EIF2B5: variants seen among roughly 807,000 people sequenced by gnomAD.
The protein encoded by EIF2B5 is eukaryotic translation initiation factor 2B subunit epsilon, also known as translation initiation factor eIF2B subunit epsilon.
Under a neutral mutation model 87.3 loss-of-function variants are expected in EIF2B5, and 38 were observed. The observed-to-expected ratio is 0.44, with a 90% CI of 0.34 to 0.57. The LOEUF (loss-of-function observed/expected upper bound fraction) is 0.57, where lower values mean the gene tolerates loss of function less well. Among genes scored for constraint, EIF2B5 ranks in the 20% least tolerant of loss-of-function variants. EIF2B5 has a pLI of 0.02. For missense variants in EIF2B5, 784 were observed against 909.5 expected (o/e 0.86, Z 1.78); for synonymous variants, 313 against 339.6 (o/e 0.92, Z 0.86).
At position 184,144,137 on chromosome 3, in the gene EIF2B5, A is replaced by C; in HGVS notation, c.1908A>C (p.Ile636=). 6.2e-7 allele frequency: 1 copy of C among 1,614,228 alleles called. No individual in the cohort carries two copies. The highest frequency in any genetic ancestry group is 8.5e-7 in the Non-Finnish European group (1 of 1,180,048). The change falls in exon 14 of 16, where the codon ATA becomes ATC. Residue 636 remains isoleucine, a synonymous_variant. Transcript: ENST00000648915. The part of the protein sequence containing the change: ...KAWSPVFRNY[I]KRAADHLEAL... ...GGAGCCCTGTTTTTAGGAACTACAT[A>C]AAGCGCGCAGCCGACCATTTGGAAG...
chr3:184,139,216 CCG>C (rs1005306496), intron 5 of EIF2B5, among the ~76,000 whole-genome samples: 2 of 151,886 alleles, frequency 1.3e-5, no homozygotes, highest in African/African-American at 4.8e-5. Flanking sequence ...GGTGATCCTC[CCG>C]CCTTGGCCTC....
In EIF2B5 at chr3:184,144,133, A is replaced by C; in HGVS notation, c.1904A>C (p.Tyr635Ser). ...LKAWSPVFRN[Y>S]IKRAADHLEA... ...GCCTGGAGCCCTGTTTTTAGGAACT[A>C]CATAAAGCGCGCAGCCGACCATTTG... is the stretch of plus-strand genomic sequence containing the variant. Residue 635 changes from tyrosine to serine, a missense_variant, in exon 14 of 16, where the codon TAC becomes TCC. Around this residue, in one of 3 missense-constraint regions of EIF2B5, gnomAD observed 660 missense variants for 789.5 expected, o/e 0.84. Coordinates refer to ENST00000648915, the MANE Select transcript of EIF2B5 (RefSeq NM_003907.3). 1 of 1,614,222 alleles carries C rather than the reference A, an allele frequency of 6.2e-7. No individual in the cohort carries two copies. Among genetic ancestry groups the C allele is most frequent in the Non-Finnish European group, 8.5e-7 (1 of 1,180,040 alleles).
Position 184,135,445 on chromosome 3 carries a change from C to T in EIF2B5, c.60C>T (p.Ser20=), listed in dbSNP as rs771770462. ...GVVVSRANKR[S]GAGPGGSGGG... The stretch of plus-strand genomic sequence containing the variant: ...TGGTTAGTCGGGCTAACAAGCGCAG[C>T]GGCGCGGGGCCGGGAGGCAGCGGTG... Residue 20 remains serine, a synonymous_variant, in exon 1 of 16, where the codon AGC becomes AGT. Transcript: ENST00000648915. 1 of 1,580,548 alleles carries T rather than the reference C, an allele frequency of 6.3e-7. No homozygotes were observed. Among genetic ancestry groups the T allele is most frequent in the Middle Eastern group, 1.7e-4 (1 of 5,992 alleles).
chr3:184,140,389 T>C, intron 6 of EIF2B5, 29 bp from the exon 7 acceptor site: 1 of 1,613,066 alleles, frequency 6.2e-7, no homozygotes, highest in South Asian at 1.1e-5. Flanking sequence ...CTTTCTTGCT[T>C]AGGTGACCTC....
rs1404680053 is a variant in EIF2B5 at position 184,137,931 on chromosome 3, G to A, written c.540G>A (p.Val180=). 6.2e-7 allele frequency: 1 copy of A among 1,614,190 alleles called. No individual in the cohort carries two copies. The highest frequency in any genetic ancestry group is 8.5e-7 in the Non-Finnish European group (1 of 1,180,038). The change falls in exon 4 of 16, where the codon GTG becomes GTA. Residue 180 remains valine, a synonymous_variant. Transcript: ENST00000648915. ...LRRKLEKNVS[V]MTMIFKESSP... ...GGAAGCTAGAAAAAAATGTTTCTGT[G>A]ATGACGATGATCTTCAAGGAGTCAT...
intron 13 of EIF2B5, 72 bp from the exon 14 acceptor site, chr3:184,144,027 T>C: frequency 6.2e-7 from 1 of 1,607,084 alleles, no homozygotes; most frequent in Non-Finnish European, 8.5e-7. Flanking sequence ...GTCATCAGTA[T>C]GGATTTGCTT....
chr3:184,137,907 G>C lies in EIF2B5; in HGVS notation c.516G>C (p.Arg172=). The stretch of plus-strand genomic sequence containing the variant: ...CTCCTGTCCTTTATAGGTTGAGACG[G>C]AAGCTAGAAAAAAATGTTTCTGTGA... ...TRALEEHRLR[R]KLEKNVSVMT... Residue 172 remains arginine, a synonymous_variant, in exon 4 of 16, where the codon CGG becomes CGC. Coordinates refer to ENST00000648915, the MANE Select transcript of EIF2B5 (RefSeq NM_003907.3). 1 of 1,614,162 alleles carries C rather than the reference G, an allele frequency of 6.2e-7. No individual in the cohort carries two copies. Among genetic ancestry groups the C allele is most frequent in the Non-Finnish European group, 8.5e-7 (1 of 1,180,030 alleles).
At chr3:184,135,849 C>T (rs1327647393) in intron 1 of EIF2B5, 1 of 558,556 alleles carries the variant, frequency 1.8e-6, no homozygotes, top group African/African-American at 1.9e-5. Flanking sequence ...GAGAAGCCTT[C>T]ACGCGGGGAT....
At chr3:184,137,841 G>A in intron 3 of EIF2B5, 36 bp downstream of exon 3, 1 of 1,614,200 alleles carries the variant, frequency 6.2e-7, no homozygotes, top group Non-Finnish European at 8.5e-7. Flanking sequence ...AAGGGTTAAA[G>A]ACCAGCAGAG....
chr3:184,135,703 A>T (rs1287775937), intron 1 of EIF2B5, 123 bp downstream of exon 1: 6 of 1,341,748 alleles, frequency 4.5e-6, no homozygotes, highest in Admixed American at 2.0e-5. Flanking sequence ...GTTATCCTAA[A>T]ACCGGATGCA....
chr3:184,142,361 A>C lies in EIF2B5; in HGVS notation c.1427A>C (p.Asp476Ala). ...GATTCTGGGGCTGACCAAGAAAAGG[A>C]CAAAGTGAAGATGAAAGGTGTGAGA... ...SDDSGADQEKDKVKMKGYNPA... is the reference protein window; with the variant it reads ...SDDSGADQEKAKVKMKGYNPA... Residue 476 changes from aspartate (D) to alanine (A), a missense_variant, in exon 9 of 16, where the codon GAC becomes GCC. Asp to Ala is a moderately radical substitution (Grantham distance 126). Coordinates refer to ENST00000648915, the MANE Select transcript of EIF2B5 (RefSeq NM_003907.3). The surrounding 1 kb of genome is among the most constrained non-coding windows in gnomAD (Gnocchi z 5.0). 6.2e-7 allele frequency: 1 copy of C among 1,614,166 alleles called. No individual in the cohort carries two copies. Among genetic ancestry groups the C allele is most frequent in the Non-Finnish European group, 8.5e-7 (1 of 1,180,022 alleles).
At chr3:184,139,710 G>T (rs1367452443) in intron 5 of EIF2B5, among the ~76,000 whole-genome samples, 4 of 151,264 alleles carry the variant, frequency 2.6e-5, no homozygotes, top group African/African-American at 9.7e-5. Context: ...GATTATCTGT[G>T]CTCCTAGAGA....
chr3:184,144,009 C>T, intron 13 of EIF2B5, 90 bp from the exon 14 acceptor site: 1 of 1,580,524 alleles, frequency 6.3e-7, no homozygotes, highest in South Asian at 1.1e-5. Context: ...TCCCTTTTGT[C>T]CACCCATGTC....
rs201560381 is a variant in EIF2B5 at position 184,142,416 on chromosome 3, C to G, written c.1444+38C>G. ...ACAGGTGTGGGGCATCTGTGTGTCTCGCTGCCTCATAGAAGAACCAGTGTT... is the reference window on the plus strand; with the variant it reads ...ACAGGTGTGGGGCATCTGTGTGTCTGGCTGCCTCATAGAAGAACCAGTGTT... On this transcript the variant is annotated intron_variant, in intron 9 of 15. Transcript: ENST00000648915. This position sits in a 1 kb window ranked among gnomAD's most constrained non-coding sequence, Gnocchi z 5.0. 7 of 1,614,138 alleles carry G rather than the reference C, an allele frequency of 4.3e-6. No homozygotes were observed. The highest frequency in any genetic ancestry group is 5.1e-6 in the Non-Finnish European group (6 of 1,180,020).
At position 184,143,568 on chromosome 3, in the gene EIF2B5, G is replaced by A; in HGVS notation, c.1869+3G>A. 6.2e-7 allele frequency: 1 copy of A among 1,614,172 alleles called. No individual in the cohort carries two copies. Among genetic ancestry groups the A allele is most frequent in the African/African-American group, 1.3e-5 (1 of 75,050 alleles). ...GCTACTGTGCCCTGCTGCTTCCTGT[G>A]AGCAAAGATTGGAGCTGAGTACAAG... On this transcript the variant is annotated splice_donor_region_variant and intron_variant, in intron 13 of 15. Transcript: ENST00000648915.
chr3:184,138,024 G>A lies in EIF2B5; in HGVS notation c.633G>A (p.Arg211=). Reference sequence around the variant, plus strand: ...TGGCTGTGGATAGTACCACAAACAGGGTTCTCCATTTTCAGAAGACCCAGG... The same window carrying A: ...TGGCTGTGGATAGTACCACAAACAGAGTTCTCCATTTTCAGAAGACCCAGG... The part of the protein sequence containing the change: ...VVVAVDSTTN[R]VLHFQKTQGL... The change falls in exon 4 of 16, where the codon AGG becomes AGA. Residue 211 remains arginine, a synonymous_variant. Coordinates refer to ENST00000648915, the MANE Select transcript of EIF2B5 (RefSeq NM_003907.3). 6.2e-7 allele frequency: 1 copy of A among 1,614,172 alleles called. No homozygotes were observed. The highest frequency in any genetic ancestry group is 8.5e-7 in the Non-Finnish European group (1 of 1,180,036).
At chr3:184,143,626 G>T in intron 13 of EIF2B5, 61 bp downstream of exon 13, 1 of 1,612,564 alleles carries the variant, frequency 6.2e-7, no homozygotes, top group South Asian at 1.1e-5. Context: ...ATCAGGAGTA[G>T]ACTGTCTTGT....
intron 4 of EIF2B5, 32 bp downstream of exon 4, chr3:184,138,107 G>A: frequency 5.6e-6 from 9 of 1,614,012 alleles, no homozygotes; most frequent in Non-Finnish European, 7.6e-6. Flanking sequence ...TTTGAGATGG[G>A]GAAGTGACAG....
intron 15 of EIF2B5, 41 bp from the exon 16 acceptor site, chr3:184,144,843 G>C (rs1713797329): frequency 6.2e-7 from 1 of 1,608,592 alleles, no homozygotes; most frequent in African/African-American, 1.3e-5. Flanking sequence ...GGAGAGTTAT[G>C]TGCACCTCCC....
Sources: allele counts gnomAD v4.1 joint callset (sites outside exome capture counted in the v4.1 genomes callset), GRCh38; gene constraint gnomAD v4.1.1; regional missense constraint gnomAD v4.1.1; non-coding constraint Gnocchi (gnomAD v3.1); transcripts MANE v1.5; gene names NCBI Gene and HGNC (gene_info 2026-07-23, HGNC 2026-07-21).